Variants in GREB1 observed in about 807,000 individuals in gnomAD.
GREB1 encodes the protein protein GREB1.
GREB1 carries 106 observed loss-of-function variants against 200.7 expected under a neutral mutation model. The ratio of observed to expected loss-of-function variants is 0.53; its 90% CI spans 0.45 to 0.62. The LOEUF is 0.62. Ranked by LOEUF, GREB1 falls within the 20% of genes least tolerant of loss-of-function variation. The probability of loss-of-function intolerance (pLI) is 0.00; values close to 1 mark genes in which losing one functional copy is unlikely to be tolerated. For missense variants in GREB1, 2,243 were observed against 2,556.8 expected (o/e 0.88, Z 2.65); for synonymous variants, 1,132 against 1,092.4 (o/e 1.04, Z -0.72).
At position 11,548,176 on chromosome 2, in the gene GREB1, CAAAA is replaced by C. The variant is rs56763287; in HGVS notation, c.-161-8268_-161-8265del. Among the ~76,000 whole-genome samples, 11 of 136,904 alleles carry C rather than the reference CAAAA, an allele frequency of 8.0e-5. No individual in the cohort carries two copies. The highest frequency in any genetic ancestry group is 3.7e-4 in the Admixed American group (5 of 13,532). The allele number at this position is 136,904 out of a possible 152,430, so 89.8% of individuals were successfully genotyped here. A position where few individuals can be genotyped will look rare whatever the true frequency, so the allele number is the denominator to read the frequency against. ...GGGCAACAGAGCAAGACCCTGTCTC[CAAAA>C]AAAAAAAAACCCACCACACATTCTC... On this transcript the variant is annotated intron_variant, in intron 1 of 32. Transcript: ENST00000381486. The surrounding 1 kb of genome is among the most constrained non-coding windows in gnomAD (Gnocchi z 5.1).
rs530607120 is a variant in GREB1, at chr2:11,489,938, CAT to C, written c.-159+7564_-159+7565del. Among the ~76,000 whole-genome samples, 716 of 145,978 alleles carry C rather than the reference CAT, an allele frequency of 4.9e-3. 4 individuals are homozygous for C. Among genetic ancestry groups the C allele is most frequent in the African/African-American group, 0.016 (662 of 40,282 alleles). ...ATATATTATAATTGTAGTACAATAACATATATATTTATGTATTATATTACTAG... is the reference window on the plus strand; with the variant it reads ...ATATATTATAATTGTAGTACAATAACATATATTTATGTATTATATTACTAG... On this transcript the variant is annotated intron_variant, in intron 1 of 2. Transcript: ENST00000628795.
rs751895287 is a variant in GREB1 at position 11,566,462 on chromosome 2, C to T, written c.278-18C>T. ...GGGAAGCCCTGGGCAGCGTGTGAAC[C>T]CTGTCCACCCCTCCTAGGGTTTTGC... On this transcript the variant is annotated intron_variant, in intron 3 of 32. Transcript: ENST00000381486. 1.9e-6 allele frequency: 3 copies of T among 1,589,862 alleles called. No individual in the cohort carries two copies. Among genetic ancestry groups the T allele is most frequent in the Admixed American group, 1.7e-5 (1 of 58,598 alleles).
chr2:11,487,866 A>T (rs1672690362), intron 1 of GREB1, among the ~76,000 whole-genome samples: 1 of 152,166 alleles, frequency 6.6e-6, no homozygotes, highest in Non-Finnish European at 1.5e-5. Flanking sequence ...TGAGAAGGGA[A>T]TGTCTTCTGG....
chr2:11,617,232 C>T (rs2148343670), intron 21 of GREB1, among the ~76,000 whole-genome samples: 1 of 152,354 alleles, frequency 6.6e-6, no homozygotes, highest in South Asian at 2.1e-4. Context: ...GGTCTCTGCC[C>T]TAAGGGGTTC....
chr2:11,514,803 A>G (rs1673440168), intron 1 of GREB1, among the ~76,000 whole-genome samples: 1 of 152,160 alleles, frequency 6.6e-6, no homozygotes, highest in South Asian at 2.1e-4. Flanking sequence ...ATTTCCCCCT[A>G]CTAGGTTGTG....
At chr2:11,603,638 G>A (rs1681981814) in intron 17 of GREB1, among the ~76,000 whole-genome samples, 1 of 152,230 alleles carries the variant, frequency 6.6e-6, no homozygotes, top group Admixed American at 6.5e-5. Context: ...GTTCGGTTCT[G>A]TGATACTGAT....
intron 1 of GREB1, among the ~76,000 whole-genome samples, chr2:11,519,965 C>A (rs1572581799): frequency 6.6e-6 from 1 of 152,028 alleles, no homozygotes; most frequent in Non-Finnish European, 1.5e-5. Context: ...TGGCCAAACC[C>A]CATCTCTACA....
In GREB1 at chr2:11,640,248, A is replaced by T. The variant is rs1211701037; in HGVS notation, c.5687-43A>T. 1 of 1,579,426 alleles carries T rather than the reference A, an allele frequency of 6.3e-7. No individual in the cohort carries two copies. Among genetic ancestry groups the T allele is most frequent in the African/African-American group, 1.4e-5 (1 of 73,434 alleles). On this transcript the variant is annotated intron_variant, in intron 32 of 32. Transcript: ENST00000381486. The surrounding 1 kb of genome is among the most constrained non-coding windows in gnomAD (Gnocchi z 4.6). ...CGGGCAGCCGCTTTCCTCTGGATAA[A>T]CTCACCTTTTCCCTTCCCACACCTC... is the stretch of plus-strand genomic sequence containing the variant.
rs1685744380 is a variant in GREB1, at chr2:11,640,529, G to A, written c.*75G>A. 4 of 1,534,486 alleles carry A rather than the reference G, an allele frequency of 2.6e-6. No homozygotes were observed. The highest frequency in any genetic ancestry group is 4.5e-5 in the East Asian group (2 of 44,524). On this transcript the variant is annotated 3_prime_UTR_variant, in exon 33 of 33. Coordinates refer to ENST00000381486, the MANE Select transcript of GREB1 (RefSeq NM_014668.4). The surrounding 1 kb of genome is among the most constrained non-coding windows in gnomAD (Gnocchi z 4.6). ...GCTGTTGAGGCTAAAGGGAGGCCTG[G>A]AACGGTGGGGCGTTTGACTGGAATG...
At chr2:11,626,812 A>G (rs1021092143) in intron 24 of GREB1, 150 bp from the exon 25 acceptor site, 4 of 713,264 alleles carry the variant, frequency 5.6e-6, no homozygotes, top group African/African-American at 5.3e-5. Context: ...CTGTCACGTC[A>G]GGGCCCAGGG....
chr2:11,638,648 C>G (rs374059505), intron 31 of GREB1, 23 bp from the exon 32 acceptor site: 8 of 1,609,014 alleles, frequency 5.0e-6, no homozygotes, highest in East Asian at 2.2e-5. Flanking sequence ...ACGGTGCCCT[C>G]TCTTGGATTT....
intron 1 of GREB1, among the ~76,000 whole-genome samples, chr2:11,515,626 G>A (rs1173867859): frequency 6.6e-6 from 1 of 152,162 alleles, no homozygotes; most frequent in East Asian, 1.9e-4. Flanking sequence ...CTGACCTGGT[G>A]GCTTCAAGGT....
intron 17 of GREB1, among the ~76,000 whole-genome samples, chr2:11,607,646 A>G (rs1682527790): frequency 1.3e-5 from 2 of 149,084 alleles, no homozygotes; most frequent in South Asian, 2.1e-4. Context: ...ATATATATTT[A>G]TCTTAGAAAA....
At chr2:11,636,761 A>AG (rs1685354166) in intron 30 of GREB1, among the ~76,000 whole-genome samples, 1 of 124,204 alleles carries the variant, frequency 8.1e-6, no homozygotes, top group African/African-American at 3.0e-5. Context: ...GGCAGGGGCA[A>AG]GGGCAGGGGC....
intron 18 of GREB1, among the ~76,000 whole-genome samples, chr2:11,611,739 A>T (rs1682947712): frequency 6.6e-6 from 1 of 152,138 alleles, no homozygotes; most frequent in African/African-American, 2.4e-5. Context: ...GGCCATCCCC[A>T]CAGAACTCAG....
Position 11,573,324 on chromosome 2 carries a change from G to A in GREB1, c.455-3029G>A, listed in dbSNP as rs570543537. 7.2e-5 allele frequency among the ~76,000 whole-genome samples: 11 copies of A among 152,306 alleles called. 1 individual carries two copies. The highest frequency in any genetic ancestry group is 2.1e-4 in the South Asian group (1 of 4,822). On this transcript the variant is annotated intron_variant, in intron 4 of 32. Transcript: ENST00000381486. ...GTGGCTGTGCGTGGTGACAAGAGTC[G>A]TGTTTAAGATGGACTGTTTTCCATG... is the stretch of plus-strand genomic sequence containing the variant.
chr2:11,483,687 G>GTGTGT (rs1672573952), intron 1 of GREB1, among the ~76,000 whole-genome samples: 95 of 132,384 alleles, frequency 7.2e-4, no homozygotes, highest in African/African-American at 2.6e-3. Flanking sequence ...TACAAGAAGG[G>GTGTGT]GTGTGTGTGT....
At chr2:11,639,631 C>A (rs1050423599) in intron 32 of GREB1, among the ~76,000 whole-genome samples, 1 of 152,256 alleles carries the variant, frequency 6.6e-6, no homozygotes, top group African/African-American at 2.4e-5. Flanking sequence ...AGCTGACCTT[C>A]GCTTTCCTTG....
chr2:11,632,961 T>A lies in GREB1; in HGVS notation c.4889T>A (p.Leu1630Gln). 1 of 1,614,126 alleles carries A rather than the reference T, an allele frequency of 6.2e-7. No homozygotes were observed. Among genetic ancestry groups the A allele is most frequent in the Non-Finnish European group, 8.5e-7 (1 of 1,180,010 alleles). Reference protein sequence around the residue: ...LELERNRQEELGIKPQDIWPF... With the variant: ...LELERNRQEEQGIKPQDIWPF... ...CTCGAGCGGAACCGGCAGGAGGAGC[T>A]GGGAATCAAGCCGCAGGACATCTGG... Residue 1630 changes from leucine to glutamine, a missense_variant, in exon 28 of 33, where the codon CTG (leucine) becomes CAG (glutamine). By Grantham distance (113) the Leu-to-Gln change is moderately radical (BLOSUM62 -2). Transcript: ENST00000381486.
Sources: gnomAD v4.1 joint callset for allele counts (sites outside exome capture counted in the v4.1 genomes callset) on GRCh38, gnomAD v4.1.1 for gene constraint, Gnocchi (gnomAD v3.1) non-coding constraint, MANE v1.5 for transcripts, NCBI Gene and HGNC (gene_info 2026-07-23, HGNC 2026-07-21) for gene names.